ASIC2: variants seen among roughly 807,000 people sequenced by gnomAD.
The protein encoded by ASIC2 is acid-sensing ion channel 2.
ASIC2 carries 25 observed loss-of-function variants against 57.3 expected under a neutral mutation model. The ratio of observed to expected loss-of-function variants is 0.44; its 90% CI spans 0.32 to 0.61. The LOEUF is 0.61. Ranked by LOEUF, ASIC2 falls within the 20% of genes least tolerant of loss-of-function variation. The pLI is 0.06. For missense variants in ASIC2, 641 were observed against 738.1 expected, an observed-to-expected ratio of 0.87 and a Z score of 1.52; for synonymous variants, 319 against 307.5, an observed-to-expected ratio of 1.04 and a Z score of -0.39.
intron 1 of ASIC2, among the ~76,000 whole-genome samples, chr17:33,257,805 T>C (rs1217613292): frequency 1.3e-5 from 2 of 152,220 alleles, no homozygotes; most frequent in Non-Finnish European, 2.9e-5. Flanking sequence ...AGAGGCAGGA[T>C]AGGCTAGAGG....
At chr17:33,947,066 G>GA (rs1250496336) in intron 1 of ASIC2, among the ~76,000 whole-genome samples, 1 of 152,218 alleles carries the variant, frequency 6.6e-6, no homozygotes, top group African/African-American at 2.4e-5. Context: ...GATGGAACAT[G>GA]AAATAAGAGA....
At chr17:34,153,093 T>C (rs1299819180) in intron 1 of ASIC2, among the ~76,000 whole-genome samples, 2 of 152,236 alleles carry the variant, frequency 1.3e-5, no homozygotes. Flanking sequence ...GCTAGAATCA[T>C]GGCTCATTCA....
At chr17:33,991,217 G>A (rs1313695640) in intron 1 of ASIC2, among the ~76,000 whole-genome samples, 1 of 152,166 alleles carries the variant, frequency 6.6e-6, no homozygotes, top group Non-Finnish European at 1.5e-5. Context: ...GAAAAGATGA[G>A]GATGATGGAG....
In ASIC2 at chr17:33,245,717, AG is replaced by A. The variant is rs531444285; in HGVS notation, c.708+45690del. Among the ~76,000 whole-genome samples the A allele has an allele frequency of 5.9e-5, 9 of 152,250 alleles. No homozygotes were observed. In the South Asian group the frequency reaches 1.9e-3, roughly 32 times the overall value. ...GAGCATCAGAGGGTAACATGAAAAA[AG>A]GGGCAAAGAGCCTGGTGGGCTCCTC... On this transcript the variant is annotated intron_variant, in intron 1 of 9. Transcript: ENST00000225823.
chr17:33,737,713 T>C (rs1909963069), intron 1 of ASIC2, among the ~76,000 whole-genome samples: 1 of 152,220 alleles, frequency 6.6e-6, no homozygotes, highest in Non-Finnish European at 1.5e-5. Context: ...CCATCCTTAT[T>C]GAGTAGATTC....
intron 1 of ASIC2, among the ~76,000 whole-genome samples, chr17:33,371,782 G>T (rs1236927655): frequency 6.6e-6 from 1 of 152,124 alleles, no homozygotes; most frequent in Non-Finnish European, 1.5e-5. Flanking sequence ...TGTGAATGAG[G>T]TCTACTGGGA....
chr17:34,004,457 C>T (rs1308850576), intron 1 of ASIC2: 5 of 152,218 alleles, frequency 3.3e-5, no homozygotes, highest in African/African-American at 4.8e-5. Flanking sequence ...GTTCTGCCAA[C>T]GATTTGCTTC....
intron 1 of ASIC2, among the ~76,000 whole-genome samples, chr17:33,578,837 T>C (rs959047746): frequency 1.3e-5 from 2 of 152,146 alleles, no homozygotes; most frequent in East Asian, 3.9e-4. Flanking sequence ...GTAATTAAAC[T>C]GTGGAGCTAA....
At chr17:33,987,757 AC>A (rs1171860021) in intron 1 of ASIC2, among the ~76,000 whole-genome samples, 1 of 152,196 alleles carries the variant, frequency 6.6e-6, no homozygotes, top group Non-Finnish European at 1.5e-5. Context: ...ATGCCCACTG[AC>A]TTATCATTTG....
chr17:34,014,552 G>A lies in ASIC2; in HGVS notation c.555+141426C>T, dbSNP rs8080621. ...AGGCTTTGGGTAGCTTCCAGGCCCC[G>A]TCCACAGACACCTAGGTGCAAGGCC... On this transcript the variant is annotated intron_variant, in intron 1 of 9. Transcript: ENST00000359872. Among the ~76,000 whole-genome samples, 825 of 152,256 alleles carry A rather than the reference G, an allele frequency of 5.4e-3. 3 individuals carry two copies. The highest frequency in any genetic ancestry group is 0.018 in the African/African-American group (756 of 41,556).
At chr17:33,987,645 C>T (rs1399509305) in intron 1 of ASIC2, among the ~76,000 whole-genome samples, 1 of 151,492 alleles carries the variant, frequency 6.6e-6, no homozygotes, top group African/African-American at 2.5e-5. Context: ...CATTAGCCAA[C>T]CAACCAACTA....
chr17:33,463,582 G>T (rs560298781), intron 1 of ASIC2, among the ~76,000 whole-genome samples: 1 of 152,188 alleles, frequency 6.6e-6, no homozygotes, highest in African/African-American at 2.4e-5. Context: ...ATCTCCAGGG[G>T]ATTCCCTACT....
intron 2 of ASIC2, among the ~76,000 whole-genome samples, chr17:33,101,420 C>T (rs576954347): frequency 3.3e-5 from 5 of 152,182 alleles, no homozygotes; most frequent in African/African-American, 9.7e-5. Context: ...CCAGCAGTTT[C>T]CTGCTCCACC....
At chr17:33,198,684 A>G (rs1469772252) in intron 1 of ASIC2, among the ~76,000 whole-genome samples, 2 of 152,124 alleles carry the variant, frequency 1.3e-5, no homozygotes, top group African/African-American at 2.4e-5. Context: ...CACCCTGGGG[A>G]AAAAAAGGAC....
Position 34,099,221 on chromosome 17 carries a change from A to AAAGAAAGGAAAG in ASIC2, c.555+56756_555+56757insCTTTCCTTTCTT, listed in dbSNP as rs1567821099. On this transcript the variant is annotated intron_variant, in intron 1 of 9. Coordinates refer to the ASIC2 transcript ENST00000359872. ...GAAAGAAAGAAAGAAAGGAAAGAAAAGAAAGAAAAAAGAAAGAGAGAAAGG... is the reference window on the plus strand; with the variant it reads ...GAAAGAAAGAAAGAAAGGAAAGAAAAAAGAAAGGAAAGGAAAGAAAAAAGAAAGAGAGAAAGG... Among the ~76,000 whole-genome samples the AAAGAAAGGAAAG allele has an allele frequency of 3.7e-4, 38 of 104,034 alleles. 1 individual carries two copies. Among genetic ancestry groups the AAAGAAAGGAAAG allele is most frequent in the African/African-American group, 2.0e-3 (34 of 17,302 alleles). 68.3% of individuals were successfully genotyped at this position (104,034 alleles called of 152,430 possible). A position where few individuals can be genotyped will look rare whatever the true frequency, so the allele number is the denominator to read the frequency against.
intron 1 of ASIC2, among the ~76,000 whole-genome samples, chr17:33,675,652 A>G (rs1047857007): frequency 1.3e-5 from 2 of 152,074 alleles, no homozygotes; most frequent in African/African-American, 4.8e-5. Flanking sequence ...GCTCACTGCA[A>G]CCTCTGCCTC....
intron 1 of ASIC2, among the ~76,000 whole-genome samples, chr17:33,961,130 T>C (rs568934562): frequency 3.9e-5 from 6 of 152,278 alleles, no homozygotes; most frequent in Non-Finnish European, 7.4e-5. Flanking sequence ...AAGGAAAATC[T>C]ATGTGGAAAC....
At chr17:34,021,153 G>GT (rs958949525) in intron 1 of ASIC2, among the ~76,000 whole-genome samples, 71 of 152,116 alleles carry the variant, frequency 4.7e-4, no homozygotes, top group African/African-American at 1.7e-3. Flanking sequence ...CACTGCTTGG[G>GT]TGACGGGTGC....
chr17:33,055,800 C>A (rs562292792), intron 3 of ASIC2, among the ~76,000 whole-genome samples: 62 of 152,230 alleles, frequency 4.1e-4, no homozygotes, highest in Admixed American at 1.3e-3. Flanking sequence ...ATAAGAAAAG[C>A]GACTGCGCCA....
Sources: allele counts gnomAD v4.1 joint callset (sites outside exome capture counted in the v4.1 genomes callset), GRCh38; gene constraint gnomAD v4.1.1; transcripts MANE v1.5; gene names NCBI Gene and HGNC (gene_info 2026-07-23, HGNC 2026-07-21).